Variants in IL1RAPL1 observed in about 807,000 individuals in gnomAD.
IL1RAPL1 encodes interleukin 1 receptor accessory protein like 1.
Under a neutral mutation model 48.4 loss-of-function variants are expected in IL1RAPL1, and 3 were observed. The ratio of observed to expected loss-of-function variants is 0.06; its 90% CI spans 0.03 to 0.16. The LOEUF (loss-of-function observed/expected upper bound fraction) is 0.16, where lower values mean the gene tolerates loss of function less well. Ranked by LOEUF, IL1RAPL1 falls within the 10% of genes least tolerant of loss-of-function variation. The probability of loss-of-function intolerance (pLI) is 1.00; values close to 1 mark genes in which losing one functional copy is unlikely to be tolerated. For missense variants in IL1RAPL1, 349 were observed against 530.6 expected, an observed-to-expected ratio of 0.66 and a Z score of 3.36; for synonymous variants, 185 against 187.7, an observed-to-expected ratio of 0.99 and a Z score of 0.12.
intron 6 of IL1RAPL1, among the ~76,000 whole-genome samples, chrX:29,872,448 T>C (rs5973219): frequency 0.18 from 20,262 of 110,513 alleles, 3,467 homozygotes; most frequent in African/African-American, 0.52. Flanking sequence ...TGTTTGTGTC[T>C]CCCCCAAAAT....
At chrX:29,268,874 G>A (rs189982883) in intron 2 of IL1RAPL1, among the ~76,000 whole-genome samples, 1 of 111,976 alleles carries the variant, frequency 8.9e-6, no homozygotes, top group Non-Finnish European at 1.9e-5. Context: ...CAGACTAAAT[G>A]CTGTAAAATC....
At chrX:28,927,704 A>C (rs1328827153) in intron 2 of IL1RAPL1, among the ~76,000 whole-genome samples, 2 of 106,427 alleles carry the variant, frequency 1.9e-5, no homozygotes, top group Non-Finnish European at 3.9e-5. Flanking sequence ...TTCTTCCCAT[A>C]CTTGATCCCT....
chrX:29,324,131 T>C (rs889437844), intron 3 of IL1RAPL1, among the ~76,000 whole-genome samples: 1 of 108,494 alleles, frequency 9.2e-6, no homozygotes, highest in African/African-American at 3.5e-5. Context: ...TTCTCATGAC[T>C]TCTTATACAA....
intron 2 of IL1RAPL1, among the ~76,000 whole-genome samples, chrX:29,272,465 A>G (rs1602145650): frequency 9.0e-6 from 1 of 111,495 alleles, no homozygotes; most frequent in Admixed American, 9.6e-5. Flanking sequence ...TTTTTTAACA[A>G]TTCTGAATAT....
chrX:29,916,138 C>T (rs1459500039), intron 6 of IL1RAPL1, among the ~76,000 whole-genome samples: 1 of 97,880 alleles, frequency 1.0e-5, no homozygotes, highest in African/African-American at 3.8e-5. Flanking sequence ...TTTTCTTAAT[C>T]CAGTCTATCA....
intron 6 of IL1RAPL1, among the ~76,000 whole-genome samples, chrX:29,859,121 A>G (rs1319970485): frequency 9.0e-6 from 1 of 111,112 alleles, no homozygotes; most frequent in African/African-American, 3.3e-5. Context: ...TTCATTTTAA[A>G]TTTTCTCTGG....
intron 2 of IL1RAPL1, among the ~76,000 whole-genome samples, chrX:29,115,507 C>T (rs943327195): frequency 9.1e-6 from 1 of 109,928 alleles, no homozygotes; most frequent in African/African-American, 3.3e-5. Context: ...GTTATGTAGT[C>T]TTTTGTCTGA....
intron 5 of IL1RAPL1, among the ~76,000 whole-genome samples, chrX:29,647,213 G>T (rs1453411213): frequency 9.0e-6 from 1 of 110,584 alleles, no homozygotes; most frequent in Non-Finnish European, 1.9e-5. Context: ...AGCTGGGCGT[G>T]GTGGCACGCG....
At position 29,333,575 on chromosome X, in the gene IL1RAPL1, C is replaced by CCG. The variant is rs1165371233; in HGVS notation, c.362+50358_362+50359insCG. Among the ~76,000 whole-genome samples the CCG allele has an allele frequency of 2.0e-3, 193 of 94,324 alleles. 4 individuals are homozygous for CCG. The highest frequency in any genetic ancestry group is 7.9e-3 in the African/African-American group (186 of 23,402). 81.9% of individuals were successfully genotyped at this position (94,324 alleles called of 115,157 possible). A position where few individuals can be genotyped will look rare whatever the true frequency, so the allele number is the denominator to read the frequency against. On this transcript the variant is annotated intron_variant, in intron 3 of 10. Transcript: ENST00000378993. ...CTCCAGGATGGGGCGGCTGGCCAGG[C>CCG]GGGGGGCTGACCCCCCCACCTCCCT... is the stretch of plus-strand genomic sequence containing the variant.
intron 5 of IL1RAPL1, among the ~76,000 whole-genome samples, chrX:29,440,776 T>C (rs1249907253): frequency 1.8e-5 from 2 of 112,213 alleles, no homozygotes; most frequent in Non-Finnish European, 3.8e-5. Flanking sequence ...AGAACATGCT[T>C]ATTGCTGTTT....
intron 5 of IL1RAPL1, among the ~76,000 whole-genome samples, chrX:29,475,791 C>T (rs1602253378): frequency 9.0e-6 from 1 of 110,875 alleles, no homozygotes; most frequent in African/African-American, 3.3e-5. Flanking sequence ...TATGTCCCTA[C>T]CACTAGTCAC....
At chrX:29,499,967 T>C (rs7058999) in intron 5 of IL1RAPL1, among the ~76,000 whole-genome samples, 8,085 of 109,955 alleles carry the variant, frequency 0.074, 507 homozygotes, top group African/African-American at 0.2. Context: ...AATTCTTCTT[T>C]TTTCTTTTTC....
At chrX:28,887,253 G>A (rs1922657067) in intron 2 of IL1RAPL1, among the ~76,000 whole-genome samples, 1 of 111,358 alleles carries the variant, frequency 9.0e-6, no homozygotes, top group Non-Finnish European at 1.9e-5. Flanking sequence ...TCCTCCTTCC[G>A]CCATGTGAGA....
At chrX:28,602,627 T>C (rs1480075029) in intron 1 of IL1RAPL1, among the ~76,000 whole-genome samples, 3 of 112,131 alleles carry the variant, frequency 2.7e-5, no homozygotes, top group Non-Finnish European at 5.6e-5. Flanking sequence ...ATTTCTTAAA[T>C]TTGTAATCAG....
Position 29,456,867 on chromosome X carries a change from T to C in IL1RAPL1, c.703+57559T>C, listed in dbSNP as rs763225764. ...TTTGAGCCCAAGCTGGTACGGTAGCTTACTCCTGTAATCCCAACACTTTGT... is the reference window on the plus strand; with the variant it reads ...TTTGAGCCCAAGCTGGTACGGTAGCCTACTCCTGTAATCCCAACACTTTGT... On this transcript the variant is annotated intron_variant, in intron 5 of 10. Coordinates refer to ENST00000378993, the MANE Select transcript of IL1RAPL1 (RefSeq NM_014271.4). Among the ~76,000 whole-genome samples, 518 of 111,800 alleles carry C rather than the reference T, an allele frequency of 4.6e-3. 3 individuals carry two copies. The highest frequency in any genetic ancestry group is 0.016 in the African/African-American group (501 of 30,801).
At chrX:29,029,086 C>T (rs1926558277) in intron 2 of IL1RAPL1, among the ~76,000 whole-genome samples, 1 of 111,283 alleles carries the variant, frequency 9.0e-6, no homozygotes, top group Non-Finnish European at 1.9e-5. Flanking sequence ...GGAGAAGTGC[C>T]AGCAGGGGAA....
At chrX:28,940,377 G>T (rs1334738490) in intron 2 of IL1RAPL1, among the ~76,000 whole-genome samples, 1 of 111,233 alleles carries the variant, frequency 9.0e-6, no homozygotes, top group Non-Finnish European at 1.9e-5. Flanking sequence ...GATTTGAATT[G>T]ATTTAACCAG....
intron 5 of IL1RAPL1, among the ~76,000 whole-genome samples, chrX:29,599,384 T>C (rs1026959888): frequency 8.9e-6 from 1 of 112,307 alleles, no homozygotes. Flanking sequence ...TGCTAAGAAA[T>C]CTGCTGTTAA....
intron 6 of IL1RAPL1, among the ~76,000 whole-genome samples, chrX:29,803,273 A>G (rs1414114215): frequency 2.8e-5 from 1 of 35,459 alleles, no homozygotes; most frequent in Non-Finnish European, 5.4e-5. Context: ...ATATATGTAT[A>G]CATATACACA....
Sources: gnomAD v4.1 joint callset for allele counts (sites outside exome capture counted in the v4.1 genomes callset) on GRCh38, gnomAD v4.1.1 for gene constraint, MANE v1.5 for transcripts, NCBI Gene and HGNC (gene_info 2026-07-23, HGNC 2026-07-21) for gene names.